The following MAPRE1 variants were observed in gnomAD, a reference collection of about 807,000 sequenced individuals.
MAPRE1 encodes the protein microtubule associated protein RP/EB family member 1, also known as microtubule-associated protein RP/EB family member 1.
A neutral mutation model predicts 32.1 loss-of-function variants in MAPRE1; 5 were observed. That is an observed-to-expected ratio of 0.16 (90% CI 0.08 to 0.33). The LOEUF is 0.33. Ranked by LOEUF, MAPRE1 falls within the 10% of genes least tolerant of loss-of-function variation. MAPRE1 has a pLI of 1.00. For synonymous variants in MAPRE1, 122 were observed against 118.9 expected, an observed-to-expected ratio of 1.03 and a Z score of -0.17; for missense variants, 209 against 327.2, an observed-to-expected ratio of 0.64 and a Z score of 2.79.
At chr20:32,834,355 G>A (rs942858024) in intron 3 of MAPRE1, among the ~76,000 whole-genome samples, 1 of 152,142 alleles carries the variant, frequency 6.6e-6, no homozygotes, top group African/African-American at 2.4e-5. Context: ...GGTGGGTGCT[G>A]GAAAACTCCT....
At chr20:32,827,087 G>A (rs1279467359) in intron 2 of MAPRE1, among the ~76,000 whole-genome samples, 1 of 152,074 alleles carries the variant, frequency 6.6e-6, no homozygotes, top group African/African-American at 2.4e-5. Flanking sequence ...TGGAACTACT[G>A]TTTAACAATA....
intron 5 of MAPRE1, among the ~76,000 whole-genome samples, chr20:32,842,772 G>T (rs1422439504): frequency 6.6e-6 from 1 of 152,212 alleles, no homozygotes; most frequent in Non-Finnish European, 1.5e-5. Context: ...TGGACTTGGT[G>T]CCTGCCTGTG....
At chr20:32,842,727 C>T (rs972878075) in intron 5 of MAPRE1, among the ~76,000 whole-genome samples, 1 of 152,200 alleles carries the variant, frequency 6.6e-6, no homozygotes, top group Non-Finnish European at 1.5e-5. Flanking sequence ...GAGATCTGTC[C>T]TAGACCTAGA....
chr20:32,847,792 G>T (rs1250196674), intron 6 of MAPRE1, among the ~76,000 whole-genome samples: 1 of 152,166 alleles, frequency 6.6e-6, no homozygotes, highest in Non-Finnish European at 1.5e-5. Flanking sequence ...TTCCTGCTCT[G>T]AGTCCATGCC....
chr20:32,829,656 A>G (rs1336034867), intron 2 of MAPRE1, among the ~76,000 whole-genome samples: 1 of 152,246 alleles, frequency 6.6e-6, no homozygotes, highest in Non-Finnish European at 1.5e-5. Context: ...TTTACAAAGT[A>G]GGAATACATT....
chr20:32,826,398 T>C (rs1312678658), intron 2 of MAPRE1, among the ~76,000 whole-genome samples: 1 of 151,480 alleles, frequency 6.6e-6, no homozygotes, highest in Non-Finnish European at 1.5e-5. Context: ...TTTGTATTTT[T>C]TTTAGTGGAG....
At chr20:32,823,596 C>G (rs1982761340) in intron 1 of MAPRE1, among the ~76,000 whole-genome samples, 1 of 152,178 alleles carries the variant, frequency 6.6e-6, no homozygotes, top group Non-Finnish European at 1.5e-5. Flanking sequence ...GTAATGAGAG[C>G]AAGATTCTAC....
intron 2 of MAPRE1, among the ~76,000 whole-genome samples, chr20:32,826,330 C>T (rs1470773084): frequency 2.0e-5 from 3 of 150,980 alleles, no homozygotes; most frequent in African/African-American, 7.3e-5. Context: ...CATTCTCCTG[C>T]CTCAGTCTCC....
intron 4 of MAPRE1, among the ~76,000 whole-genome samples, chr20:32,837,238 T>C (rs779144580): frequency 1.3e-5 from 2 of 152,322 alleles, no homozygotes; most frequent in Non-Finnish European, 2.9e-5. Flanking sequence ...TGGGAAGTTA[T>C]ACCAGAGCTG....
Position 32,833,784 on chromosome 20 carries a change from C to T in MAPRE1, c.189C>T (p.Phe63=), listed in dbSNP as rs1226641273. 1 of 1,613,896 alleles carries T rather than the reference C, an allele frequency of 6.2e-7. No individual in the cohort carries two copies. Among genetic ancestry groups the T allele is most frequent in the South Asian group, 1.1e-5 (1 of 91,070 alleles). Residue 63 remains phenylalanine (F), a synonymous_variant, in exon 3 of 7, where the codon TTC becomes TTT. Coordinates refer to ENST00000375571, the MANE Select transcript of MAPRE1 (RefSeq NM_012325.3). The stretch of plus-strand genomic sequence containing the variant: ...CCATTGCCTTGAAGAAAGTGAAATT[C>T]CAAGCTAAGCTAGAACACGAGTACA... ...PGSIALKKVK[F]QAKLEHEYIQ... is the part of the protein sequence containing the mutation.
Position 32,825,789 on chromosome 20 carries a change from C to CAAAAT in MAPRE1, c.-3-110_-3-106dup, listed in dbSNP as rs201982572. 1,093 of 627,518 alleles carry CAAAAT rather than the reference C, an allele frequency of 1.7e-3. 8 individuals are homozygous for CAAAAT. The East Asian group carries it at 0.019, about 11-fold the overall frequency. The allele number at this position is 627,518 out of a possible 1,614,324, so 38.9% of individuals were successfully genotyped here. ...TGGGCGACAGAGTGAGACTCTGTCT[C>CAAAAT]AAAATAAAATAAAATAAAATAAAAT... On this transcript the variant is annotated intron_variant, in intron 1 of 6. Coordinates refer to ENST00000375571, the MANE Select transcript of MAPRE1 (RefSeq NM_012325.3).
At chr20:32,820,773 G>A (rs1982675448) in intron 1 of MAPRE1, among the ~76,000 whole-genome samples, 1 of 151,702 alleles carries the variant, frequency 6.6e-6, no homozygotes, top group South Asian at 2.1e-4. Context: ...CTACTTCACA[G>A]TTGCCCTCGG....
At chr20:32,824,447 C>T (rs946499155) in intron 1 of MAPRE1, among the ~76,000 whole-genome samples, 3 of 152,222 alleles carry the variant, frequency 2.0e-5, no homozygotes, top group Non-Finnish European at 2.9e-5. Flanking sequence ...CTCTCTTGTC[C>T]TCACCTGTAA....
chr20:32,846,812 A>G (rs1983518475), intron 6 of MAPRE1, 42 bp downstream of exon 6: 2 of 1,601,434 alleles, frequency 1.2e-6, no homozygotes, highest in South Asian at 1.1e-5. Context: ...CATTTTACAT[A>G]GAAGGGTTGG....
intron 6 of MAPRE1, among the ~76,000 whole-genome samples, chr20:32,847,979 C>G (rs1983549615): frequency 6.6e-6 from 1 of 151,832 alleles, no homozygotes. Context: ...GCTGCATAGA[C>G]AGTTTATTGA....
At chr20:32,827,332 C>T (rs575420770) in intron 2 of MAPRE1, among the ~76,000 whole-genome samples, 23 of 151,554 alleles carry the variant, frequency 1.5e-4, no homozygotes, top group African/African-American at 5.1e-4. Context: ...CGCTTGAGCC[C>T]GGGAGGTGGA....
chr20:32,836,795 T>A lies in MAPRE1; in HGVS notation c.429T>A (p.Ala143=), dbSNP rs1410909223. The A allele has an allele frequency of 6.2e-7, 1 of 1,614,134 alleles. No individual in the cohort carries two copies. The change falls in exon 4 of 7, where the codon GCT becomes GCA. Residue 143 remains alanine (A), a synonymous_variant. Transcript: ENST00000375571. ...CTGCAGTGGCTCCTTCCCTTGTTGC[T>A]CCAGCTCTGAATAAACCGAAGAAAC... ...QETAVAPSLV[A]PALNKPKKPL...
chr20:32,848,187 C>T (rs564496075), intron 6 of MAPRE1, among the ~76,000 whole-genome samples: 1 of 151,690 alleles, frequency 6.6e-6, no homozygotes, highest in African/African-American at 2.4e-5. Context: ...GCTGGGACTA[C>T]AGGCATGTCC....
chr20:32,828,483 G>A (rs1349587764), intron 2 of MAPRE1, among the ~76,000 whole-genome samples: 2 of 152,250 alleles, frequency 1.3e-5, no homozygotes, highest in Non-Finnish European at 2.9e-5. Context: ...CAGGCAGAGA[G>A]CTGTTGTAGA....
Sources: allele counts gnomAD v4.1 joint callset (sites outside exome capture counted in the v4.1 genomes callset), GRCh38; gene constraint gnomAD v4.1.1; transcripts MANE v1.5; gene names NCBI Gene and HGNC (gene_info 2026-07-23, HGNC 2026-07-21).